The following PARD3B variants were observed in gnomAD, a reference collection of about 807,000 sequenced individuals.
PARD3B encodes the protein par-3 family cell polarity regulator beta, also known as partitioning defective 3 homolog B.
Under a neutral mutation model 130.2 loss-of-function variants are expected in PARD3B, and 103 were observed. That is an observed-to-expected ratio of 0.79 (90% CI 0.67 to 0.93). PARD3B has a LOEUF of 0.93. Among genes scored for constraint, PARD3B ranks in the 40% least tolerant of loss-of-function variants. The pLI is 0.00. For synonymous variants in PARD3B, 583 were observed against 553.2 expected (o/e 1.05, Z -0.76); for missense variants, 1,609 against 1,499.2 (o/e 1.07, Z -1.21).
chr2:205,380,147 T>TATATTATATAAAGA (rs1559032400), intron 18 of PARD3B, among the ~76,000 whole-genome samples: 6 of 122,302 alleles, frequency 4.9e-5, no homozygotes, highest in Non-Finnish European at 8.1e-5. Flanking sequence ...ATAAAGAATA[T>TATATTATATAAAGA]ATATTATATA....
intron 1 of PARD3B, among the ~76,000 whole-genome samples, chr2:204,557,725 A>G (rs1029286704): frequency 2.0e-5 from 3 of 152,224 alleles, no homozygotes; most frequent in African/African-American, 4.8e-5. Context: ...GAAATGCCTT[A>G]TCATCTCCAC....
chr2:205,262,137 A>G (rs985198713), intron 16 of PARD3B, among the ~76,000 whole-genome samples: 6 of 152,142 alleles, frequency 3.9e-5, no homozygotes, highest in Admixed American at 1.3e-4. Flanking sequence ...GACTGTTACC[A>G]TAGAGTAAGT....
intron 2 of PARD3B, among the ~76,000 whole-genome samples, chr2:204,963,394 G>T (rs1344281690): frequency 2.6e-5 from 4 of 151,966 alleles, no homozygotes; most frequent in Admixed American, 2.6e-4. Context: ...AGGCACATGG[G>T]TTATACTGAG....
chr2:205,574,812 C>T (rs923570824), intron 22 of PARD3B, among the ~76,000 whole-genome samples: 1 of 131,578 alleles, frequency 7.6e-6, no homozygotes, highest in South Asian at 2.4e-4. Flanking sequence ...GGTAAGGAGA[C>T]ATGGGGACTT....
At chr2:205,507,150 C>T (rs1010593367) in intron 21 of PARD3B, among the ~76,000 whole-genome samples, 1 of 140,586 alleles carries the variant, frequency 7.1e-6, no homozygotes, top group African/African-American at 2.6e-5. Context: ...CAGCCTGGAT[C>T]ACGTGTCCAC....
chr2:205,420,454 A>G (rs771503996), intron 19 of PARD3B, among the ~76,000 whole-genome samples: 4 of 152,218 alleles, frequency 2.6e-5, no homozygotes, highest in Non-Finnish European at 4.4e-5. Flanking sequence ...GGCAGAGCTC[A>G]GTTTCCATCC....
rs540132155 is a variant in PARD3B at position 205,564,543 on chromosome 2, T to C, written c.3260+11140T>C. Among the ~76,000 whole-genome samples, 16 of 152,328 alleles carry C rather than the reference T, an allele frequency of 1.1e-4. No individual in the cohort carries two copies. The highest frequency in any genetic ancestry group is 2.1e-4 in the Non-Finnish European group (14 of 68,030). On this transcript the variant is annotated intron_variant, in intron 22 of 22. Transcript: ENST00000406610. This position sits in a 1 kb window ranked among gnomAD's most constrained non-coding sequence, Gnocchi z 4.6. ...GCAATTTTTGTAGCCAGGAAACTAT[T>C]GTTGGTTCTTTCACAGTGTAGTTCT...
Position 205,280,057 on chromosome 2 carries a change from A to G in PARD3B, c.2186-20473A>G, listed in dbSNP as rs1304912232. On this transcript the variant is annotated intron_variant, in intron 16 of 22. Coordinates refer to ENST00000406610, the MANE Select transcript of PARD3B (RefSeq NM_001302769.2). This position sits in a 1 kb window ranked among gnomAD's most constrained non-coding sequence, Gnocchi z 4.7. ...TTAAAATTTTAAACCATAAGCTATT[A>G]GAGAAGGGTAAAAGAGTCTCTTTGT... Among the ~76,000 whole-genome samples, 40 of 152,214 alleles carry G rather than the reference A, an allele frequency of 2.6e-4. No individual in the cohort carries two copies. Among genetic ancestry groups the G allele is most frequent in the Admixed American group, 2.6e-3 (40 of 15,282 alleles).
chr2:205,407,819 T>A lies in PARD3B; in HGVS notation c.2741+6696T>A, dbSNP rs927266705. ...TTTTCTCCTAAAATTGAAAAAAAAA[T>A]TTTAATAACATGAGTTATATACTCC... On this transcript the variant is annotated intron_variant, in intron 19 of 22. Coordinates refer to ENST00000406610, the MANE Select transcript of PARD3B (RefSeq NM_001302769.2). This position sits in a 1 kb window ranked among gnomAD's most constrained non-coding sequence, Gnocchi z 4.1. Among the ~76,000 whole-genome samples, 17 of 152,122 alleles carry A rather than the reference T, an allele frequency of 1.1e-4. No individual in the cohort carries two copies. Among genetic ancestry groups the A allele is most frequent in the East Asian group, 1.9e-4 (1 of 5,186 alleles).
At chr2:205,434,708 C>T (rs1486783166) in intron 19 of PARD3B, among the ~76,000 whole-genome samples, 2 of 151,812 alleles carry the variant, frequency 1.3e-5, no homozygotes, top group African/African-American at 4.8e-5. Flanking sequence ...TTTAAAGAGA[C>T]CAAATAAAAG....
chr2:205,396,261 A>G (rs150106630), intron 18 of PARD3B, among the ~76,000 whole-genome samples: 2 of 152,254 alleles, frequency 1.3e-5, no homozygotes, highest in East Asian at 3.9e-4. Context: ...ATCACAACTA[A>G]CAATTATGGA....
chr2:204,870,499 G>A (rs971744694), intron 2 of PARD3B, among the ~76,000 whole-genome samples: 5 of 152,094 alleles, frequency 3.3e-5, no homozygotes, highest in African/African-American at 1.2e-4. Context: ...GAAATAGGTG[G>A]TCATGTCTCT....
intron 15 of PARD3B, among the ~76,000 whole-genome samples, chr2:205,238,580 C>T (rs972711739): frequency 2.6e-5 from 4 of 151,606 alleles, no homozygotes; most frequent in East Asian, 3.9e-4. Context: ...GCCTGTAATC[C>T]CAGCACTTTG....
At chr2:204,598,679 G>A (rs543950168) in intron 1 of PARD3B, among the ~76,000 whole-genome samples, 1 of 152,094 alleles carries the variant, frequency 6.6e-6, no homozygotes, top group South Asian at 2.1e-4. Context: ...ACAAAATTAA[G>A]CAGTACCCCA....
intron 22 of PARD3B, among the ~76,000 whole-genome samples, chr2:205,594,378 A>G (rs942984344): frequency 1.6e-4 from 25 of 152,172 alleles, no homozygotes; most frequent in Non-Finnish European, 3.4e-4. Flanking sequence ...CTCTCAGGAC[A>G]CTTCCCCTCT....
chr2:205,551,334 C>A (rs1270345104), intron 21 of PARD3B, among the ~76,000 whole-genome samples: 3 of 151,184 alleles, frequency 2.0e-5, no homozygotes, highest in South Asian at 4.2e-4. Flanking sequence ...TGTTTCTGTC[C>A]TTCACTTCTT....
chr2:204,922,602 T>C (rs2047724318), intron 2 of PARD3B, among the ~76,000 whole-genome samples: 2 of 152,076 alleles, frequency 1.3e-5, no homozygotes, highest in Non-Finnish European at 2.9e-5. Flanking sequence ...CACAACTCTT[T>C]GAAAGAAATT....
rs919379337 is a variant in PARD3B at position 204,887,054 on chromosome 2, G to GT, written c.223-78090dup. ...CCCTTTGAGGCATTTTTTTAAATCA[G>GT]TTTTTTTTAATCAGCTTTTAGTTCC... is the stretch of plus-strand genomic sequence containing the variant. On this transcript the variant is annotated intron_variant, in intron 2 of 22. Transcript: ENST00000406610. The surrounding 1 kb of genome is among the most constrained non-coding windows in gnomAD (Gnocchi z 4.2). 5.9e-5 allele frequency among the ~76,000 whole-genome samples: 9 copies of GT among 152,084 alleles called. No individual in the cohort carries two copies. The highest frequency in any genetic ancestry group is 3.9e-4 in the East Asian group (2 of 5,180).
At chr2:205,504,203 A>C (rs2050263583) in intron 21 of PARD3B, among the ~76,000 whole-genome samples, 1 of 152,216 alleles carries the variant, frequency 6.6e-6, no homozygotes, top group African/African-American at 2.4e-5. Context: ...GAGAAGGCTG[A>C]AAATGGATCC....
Sources: allele counts gnomAD v4.1 joint callset (sites outside exome capture counted in the v4.1 genomes callset), GRCh38; gene constraint gnomAD v4.1.1; non-coding constraint Gnocchi (gnomAD v3.1); transcripts MANE v1.5; gene names NCBI Gene and HGNC (gene_info 2026-07-23, HGNC 2026-07-21).